The following BNC2 variants were observed in gnomAD, a reference collection of about 807,000 sequenced individuals.
BNC2 encodes the protein basonuclin zinc finger protein 2.
Under a neutral mutation model 76.3 loss-of-function variants are expected in BNC2, and 20 were observed. The ratio of observed to expected loss-of-function variants is 0.26; its 90% CI spans 0.18 to 0.38. The LOEUF is 0.38. Ranked by LOEUF, BNC2 falls within the 10% of genes least tolerant of loss-of-function variation. The probability of loss-of-function intolerance (pLI) is 1.00; values close to 1 mark genes in which losing one functional copy is unlikely to be tolerated. For synonymous variants in BNC2, 582 were observed against 514.8 expected, an observed-to-expected ratio of 1.13 and a Z score of -1.77; for missense variants, 1,382 against 1,399.8, an observed-to-expected ratio of 0.99 and a Z score of 0.20.
chr9:16,639,827 C>G (rs988215999), intron 3 of BNC2, among the ~76,000 whole-genome samples: 1 of 152,006 alleles, frequency 6.6e-6, no homozygotes, highest in Non-Finnish European at 1.5e-5. Flanking sequence ...AAGGCTGAAG[C>G]AGGAGGACTG....
At chr9:16,711,868 G>A (rs7022131) in intron 3 of BNC2, among the ~76,000 whole-genome samples, 133,206 of 152,278 alleles carry the variant, frequency 0.87, 58,642 homozygotes, top group Non-Finnish European at 0.93. Context: ...TCACTTACTC[G>A]TTTTGAGACC....
At chr9:16,492,682 C>T (rs933448981) in intron 5 of BNC2, among the ~76,000 whole-genome samples, 4 of 150,930 alleles carry the variant, frequency 2.7e-5, no homozygotes, top group African/African-American at 7.3e-5. Flanking sequence ...CGAATAAATA[C>T]CAAAAGCTCC....
chr9:16,489,393 T>C (rs1391897374), intron 5 of BNC2, among the ~76,000 whole-genome samples: 1 of 152,228 alleles, frequency 6.6e-6, no homozygotes, highest in East Asian at 1.9e-4. Flanking sequence ...GTTTATTATC[T>C]AATTTACCTT....
chr9:16,561,108 G>A (rs1004215963), intron 4 of BNC2, among the ~76,000 whole-genome samples: 2 of 152,042 alleles, frequency 1.3e-5, no homozygotes, highest in African/African-American at 4.8e-5. Flanking sequence ...GCATGGTGGT[G>A]GGCACCTGTA....
In BNC2 at chr9:16,706,392, G is replaced by A. The variant is rs574973089; in HGVS notation, c.330+21405C>T. ...GCACAAAGTCCCCTCTTTTTGCCCT[G>A]ACCTTGAGCTACAGCCAGGTGAGCT... On this transcript the variant is annotated intron_variant, in intron 3 of 6. Coordinates refer to ENST00000380672, the MANE Select transcript of BNC2 (RefSeq NM_017637.6). Among the ~76,000 whole-genome samples the A allele has an allele frequency of 1.2e-4, 18 of 152,148 alleles. 2 individuals carry two copies. The South Asian group carries it at 3.3e-3, about 28-fold the overall frequency.
intron 5 of BNC2, among the ~76,000 whole-genome samples, chr9:16,482,030 A>G (rs1212031929): frequency 6.6e-6 from 1 of 152,218 alleles, no homozygotes; most frequent in Non-Finnish European, 1.5e-5. Context: ...GTTAGCTACA[A>G]ACACATATAA....
At chr9:16,843,151 G>C (rs902219363) in intron 1 of BNC2, among the ~76,000 whole-genome samples, 1 of 152,086 alleles carries the variant, frequency 6.6e-6, no homozygotes, top group African/African-American at 2.4e-5. Context: ...TTGACTGATG[G>C]AGAGATAGAT....
chr9:16,560,493 C>G (rs1010926700), intron 4 of BNC2, among the ~76,000 whole-genome samples: 7 of 151,946 alleles, frequency 4.6e-5, no homozygotes, highest in African/African-American at 1.5e-4. Flanking sequence ...GGGAGGATCA[C>G]TTGAAGATAG....
intron 5 of BNC2, among the ~76,000 whole-genome samples, chr9:16,485,245 G>T (rs1483560145): frequency 6.6e-6 from 1 of 152,070 alleles, no homozygotes; most frequent in South Asian, 2.1e-4. Context: ...TAATACAATT[G>T]TTCTGAATTG....
At chr9:16,803,188 C>G (rs1817824831) in intron 1 of BNC2, among the ~76,000 whole-genome samples, 2 of 152,212 alleles carry the variant, frequency 1.3e-5, no homozygotes, top group Admixed American at 6.5e-5. Flanking sequence ...GAAGGCACCA[C>G]TCCTTGGCTC....
chr9:16,674,211 G>A (rs956914821), intron 3 of BNC2, among the ~76,000 whole-genome samples: 1 of 152,166 alleles, frequency 6.6e-6, no homozygotes, highest in Non-Finnish European at 1.5e-5. Context: ...CACAGTGAGG[G>A]TCTGGATAAA....
chr9:16,535,007 C>A (rs1818085920), intron 5 of BNC2, among the ~76,000 whole-genome samples: 1 of 152,076 alleles, frequency 6.6e-6, no homozygotes, highest in Non-Finnish European at 1.5e-5. Context: ...TTCTGTAGAT[C>A]TGTAGATAAT....
intron 3 of BNC2, chr9:16,699,055 G>A: frequency 5.1e-6 from 2 of 388,534 alleles, no homozygotes; most frequent in Non-Finnish European, 1.0e-5. Context: ...TTTCCAGAAA[G>A]CTAAGATGGT....
rs549565627 is a variant in BNC2, at chr9:16,417,857, G to A, written c.*1132C>T. On this transcript the variant is annotated 3_prime_UTR_variant, in exon 7 of 7. Transcript: ENST00000380672. Reference sequence around the variant, plus strand: ...AACGTATAAGCAAGAAGGATGCAATGTTGATTCTAATAACATTCGGCACTT... The same window carrying A: ...AACGTATAAGCAAGAAGGATGCAATATTGATTCTAATAACATTCGGCACTT... 2 of 152,784 alleles carry A rather than the reference G, an allele frequency of 1.3e-5. No homozygotes were observed. Among genetic ancestry groups the A allele is most frequent in the Admixed American group, 6.5e-5 (1 of 15,308 alleles). The allele number at this position is 152,784 out of a possible 1,614,324, so 9.5% of individuals were successfully genotyped here. A position where few individuals can be genotyped will look rare whatever the true frequency, so the allele number is the denominator to read the frequency against.
chr9:16,814,320 G>T (rs1818129317), intron 1 of BNC2, among the ~76,000 whole-genome samples: 1 of 152,136 alleles, frequency 6.6e-6, no homozygotes, highest in African/African-American at 2.4e-5. Flanking sequence ...CATATATCTA[G>T]GCACTCAATA....
intron 5 of BNC2, among the ~76,000 whole-genome samples, chr9:16,493,112 T>C (rs1225177175): frequency 6.6e-6 from 1 of 152,128 alleles, no homozygotes; most frequent in East Asian, 1.9e-4. Context: ...CCACTTTGTT[T>C]TCACGTAAGT....
At chr9:16,552,430 G>A (rs747901113) in intron 5 of BNC2, 100 bp downstream of exon 5, 4 of 954,438 alleles carry the variant, frequency 4.2e-6, no homozygotes, top group East Asian at 2.6e-5. Flanking sequence ...TTAACCAGAG[G>A]AGGGTGTGCA....
At chr9:16,481,214 C>A (rs955323789) in intron 5 of BNC2, among the ~76,000 whole-genome samples, 1 of 152,042 alleles carries the variant, frequency 6.6e-6, no homozygotes, top group African/African-American at 2.4e-5. Flanking sequence ...CACCAATCAG[C>A]GCCCTGTCAA....
At chr9:16,705,172 C>T (rs1248392084) in intron 3 of BNC2, 1 of 148,428 alleles carries the variant, frequency 6.7e-6, no homozygotes, top group Non-Finnish European at 1.5e-5. Context: ...CACACACACT[C>T]CCCTGGAGGG....
Sources: gnomAD v4.1 joint callset for allele counts (sites outside exome capture counted in the v4.1 genomes callset) on GRCh38, gnomAD v4.1.1 for gene constraint, MANE v1.5 for transcripts, NCBI Gene and HGNC (gene_info 2026-07-23, HGNC 2026-07-21) for gene names.